E2F5: variants seen among roughly 807,000 people sequenced by gnomAD.
E2F5 encodes E2F transcription factor 5, also known as transcription factor E2F5.
In E2F5, 23 loss-of-function variants were observed where a neutral mutation model predicts 39.1. The observed-to-expected ratio is 0.59, with a 90% CI of 0.42 to 0.83. E2F5 has a LOEUF of 0.83. Among genes scored for constraint, E2F5 ranks in the 40% least tolerant of loss-of-function variants. The pLI is 0.00. For missense variants in E2F5, 365 were observed against 406.7 expected, an observed-to-expected ratio of 0.90 and a Z score of 0.88; for synonymous variants, 145 against 157.8, an observed-to-expected ratio of 0.92 and a Z score of 0.61.
intron 1 of E2F5, among the ~76,000 whole-genome samples, chr8:85,192,274 G>T (rs192872078): frequency 2.0e-5 from 3 of 152,306 alleles, no homozygotes; most frequent in East Asian, 3.9e-4. Flanking sequence ...GGTAAATTCA[G>T]TTCTGGACAT....
At chr8:85,208,263 G>A (rs1204055060) in intron 5 of E2F5, among the ~76,000 whole-genome samples, 1 of 152,178 alleles carries the variant, frequency 6.6e-6, no homozygotes, top group Non-Finnish European at 1.5e-5. Flanking sequence ...AGGAGGCAGT[G>A]GTTGCAGTGA....
At chr8:85,188,838 G>A (rs1050440165) in intron 1 of E2F5, among the ~76,000 whole-genome samples, 37 of 152,136 alleles carry the variant, frequency 2.4e-4, no homozygotes, top group African/African-American at 8.9e-4. Flanking sequence ...TCTCCTTGCT[G>A]TGCTTCCTAG....
At chr8:85,211,133 C>T (rs1290186509) in intron 6 of E2F5, among the ~76,000 whole-genome samples, 1 of 150,944 alleles carries the variant, frequency 6.6e-6, no homozygotes, top group East Asian at 1.9e-4. Flanking sequence ...TGCCTGTAAT[C>T]CCAACACTTT....
intron 1 of E2F5, among the ~76,000 whole-genome samples, chr8:85,180,585 T>G (rs1296116941): frequency 7.8e-6 from 1 of 128,622 alleles, no homozygotes. Flanking sequence ...TTTTTTTTTT[T>G]TTTTTTTTTT....
intron 4 of E2F5, 74 bp from the exon 5 acceptor site, chr8:85,207,351 G>C (rs1812820695): frequency 1.5e-5 from 19 of 1,302,080 alleles, no homozygotes; most frequent in Non-Finnish European, 1.9e-5. Context: ...TCTGATTCCA[G>C]AGCCCACATT....
chr8:85,202,489 C>T (rs1233600998), intron 2 of E2F5, among the ~76,000 whole-genome samples: 1 of 152,168 alleles, frequency 6.6e-6, no homozygotes, highest in Non-Finnish European at 1.5e-5. Context: ...CTCCCTCAAG[C>T]TATTACTCAT....
chr8:85,212,828 G>C (rs967206409), intron 7 of E2F5: 3 of 150,718 alleles, frequency 2.0e-5, no homozygotes, highest in South Asian at 2.1e-4. Flanking sequence ...AGCAAACTTT[G>C]TAAGTCCAGT....
At chr8:85,205,026 A>C (rs1326356218) in intron 3 of E2F5, among the ~76,000 whole-genome samples, 1 of 152,096 alleles carries the variant, frequency 6.6e-6, no homozygotes, top group African/African-American at 2.4e-5. Flanking sequence ...TCCGTACTAA[A>C]AGTACAAAAA....
intron 1 of E2F5, among the ~76,000 whole-genome samples, chr8:85,178,367 G>C (rs1039043138): frequency 2.0e-5 from 3 of 152,118 alleles, no homozygotes; most frequent in African/African-American, 7.2e-5. Flanking sequence ...TTCACCCAAA[G>C]AGGTGGAAGT....
At chr8:85,205,223 G>A (rs1254360885) in intron 3 of E2F5, among the ~76,000 whole-genome samples, 1 of 151,422 alleles carries the variant, frequency 6.6e-6, no homozygotes, top group Admixed American at 6.6e-5. Flanking sequence ...GCTAATCGTA[G>A]TGTTCTCCCC....
At chr8:85,204,363 G>A (rs1812757033) in intron 3 of E2F5, among the ~76,000 whole-genome samples, 1 of 152,160 alleles carries the variant, frequency 6.6e-6, no homozygotes, top group South Asian at 2.1e-4. Flanking sequence ...CCACTTCTTA[G>A]AAACAGCATG....
At chr8:85,210,549 C>T (rs1188621679) in intron 6 of E2F5, among the ~76,000 whole-genome samples, 1 of 151,886 alleles carries the variant, frequency 6.6e-6, no homozygotes, top group African/African-American at 2.4e-5. Flanking sequence ...GGTGTGGCGG[C>T]GCACACCTGT....
At chr8:85,197,612 C>T (rs902496586) in intron 1 of E2F5, among the ~76,000 whole-genome samples, 1 of 152,144 alleles carries the variant, frequency 6.6e-6, no homozygotes, top group Non-Finnish European at 1.5e-5. Context: ...GAAGGGAGAT[C>T]TAATTCTTTC....
chr8:85,184,801 AC>A (rs1812293790), intron 1 of E2F5, among the ~76,000 whole-genome samples: 1 of 152,228 alleles, frequency 6.6e-6, no homozygotes. Context: ...AATCCAACTT[AC>A]AAGGGATGTG....
chr8:85,199,690 C>G (rs1812652672), intron 1 of E2F5, among the ~76,000 whole-genome samples: 1 of 152,196 alleles, frequency 6.6e-6, no homozygotes, highest in South Asian at 2.1e-4. Flanking sequence ...TTTAACCAAT[C>G]TTAAACACAG....
At chr8:85,203,057 C>A (rs767025378) in intron 2 of E2F5, 37 bp from the exon 3 acceptor site, 64 of 1,363,002 alleles carry the variant, frequency 4.7e-5, no homozygotes, top group African/African-American at 3.0e-4. Context: ...TAACCTAGAT[C>A]TGATACTGAG....
At chr8:85,201,119 G>C (rs1812688954) in intron 1 of E2F5, among the ~76,000 whole-genome samples, 1 of 152,144 alleles carries the variant, frequency 6.6e-6, no homozygotes, top group South Asian at 2.1e-4. Context: ...CACCTTCTCT[G>C]GGGGGAAGGC....
chr8:85,181,551 G>T (rs1028979757), intron 1 of E2F5, among the ~76,000 whole-genome samples: 1 of 146,878 alleles, frequency 6.8e-6, no homozygotes, highest in Non-Finnish European at 1.5e-5. Flanking sequence ...CACCGTGTTA[G>T]AATGGTCTCG....
chr8:85,193,620 C>G (rs1264681696), intron 1 of E2F5, among the ~76,000 whole-genome samples: 1 of 152,214 alleles, frequency 6.6e-6, no homozygotes, highest in Non-Finnish European at 1.5e-5. Context: ...TCCCTTTTGC[C>G]TCCTCCCAGT....
Sources: allele counts gnomAD v4.1 joint callset (sites outside exome capture counted in the v4.1 genomes callset), GRCh38; gene constraint gnomAD v4.1.1; transcripts MANE v1.5; gene names NCBI Gene and HGNC (gene_info 2026-07-23, HGNC 2026-07-21).